Variants in PIP4K2A observed in about 807,000 individuals in gnomAD.
PIP4K2A encodes the protein phosphatidylinositol-5-phosphate 4-kinase type 2 alpha.
Under a neutral mutation model 42.9 loss-of-function variants are expected in PIP4K2A, and 14 were observed. The observed-to-expected ratio is 0.33, with a 90% CI of 0.22 to 0.51. The LOEUF is 0.51. Among genes scored for constraint, PIP4K2A ranks in the 20% least tolerant of loss-of-function variants. PIP4K2A has a pLI of 0.97. For missense variants in PIP4K2A, 434 were observed against 519.8 expected (o/e 0.83, Z 1.61); for synonymous variants, 192 against 192.2 (o/e 1.00, Z 0.01).
At chr10:22,620,837 T>C (rs931582294) in intron 1 of PIP4K2A, among the ~76,000 whole-genome samples, 2 of 152,210 alleles carry the variant, frequency 1.3e-5, no homozygotes, top group Non-Finnish European at 2.9e-5. Flanking sequence ...CAAATTCAAA[T>C]GAATCACAAA....
intron 7 of PIP4K2A, among the ~76,000 whole-genome samples, chr10:22,550,335 C>T (rs564130801): frequency 6.6e-6 from 1 of 152,370 alleles, no homozygotes; most frequent in East Asian, 1.9e-4. Flanking sequence ...CCTGGCCCCT[C>T]CCAAACTGGC....
At chr10:22,694,449 C>G (rs769718409) in intron 1 of PIP4K2A, 1 of 152,162 alleles carries the variant, frequency 6.6e-6, no homozygotes, top group Non-Finnish European at 1.5e-5. Flanking sequence ...TGGGGCGTGA[C>G]CCCAAAAATG....
At chr10:22,632,431 A>G (rs1403968197) in intron 1 of PIP4K2A, among the ~76,000 whole-genome samples, 1 of 152,232 alleles carries the variant, frequency 6.6e-6, no homozygotes, top group Non-Finnish European at 1.5e-5. Flanking sequence ...TTTTTAGTAT[A>G]GTATGTACAA....
Position 22,556,248 on chromosome 10 carries a change from C to T in PIP4K2A, c.679-5476G>A, listed in dbSNP as rs111925698. Among the ~76,000 whole-genome samples, 1,095 of 152,250 alleles carry T rather than the reference C, an allele frequency of 7.2e-3. 18 individuals carry two copies. The highest frequency in any genetic ancestry group is 0.025 in the African/African-American group (1,020 of 41,534). On this transcript the variant is annotated intron_variant, in intron 6 of 9. Coordinates refer to ENST00000376573, the MANE Select transcript of PIP4K2A (RefSeq NM_005028.5). ...AGGATGCATCGAAGGTGACATGGCC[C>T]GAGGCGCCAACCTCCCTGTCGTGGC...
intron 1 of PIP4K2A, 155 bp downstream of exon 1, chr10:22,714,028 G>T: frequency 1.4e-6 from 1 of 734,730 alleles, no homozygotes; most frequent in Non-Finnish European, 2.1e-6. Context: ...GGGGGCACGC[G>T]CCGCGGGGCT....
intron 4 of PIP4K2A, among the ~76,000 whole-genome samples, chr10:22,578,169 A>AT (rs1170893050): frequency 6.6e-6 from 1 of 152,176 alleles, no homozygotes; most frequent in Non-Finnish European, 1.5e-5. Context: ...CTGCTTGAAC[A>AT]TTTTTACAAT....
At chr10:22,565,652 T>C (rs1448642751) in intron 6 of PIP4K2A, among the ~76,000 whole-genome samples, 1 of 152,172 alleles carries the variant, frequency 6.6e-6, no homozygotes, top group East Asian at 1.9e-4. Flanking sequence ...AAGAACAGGA[T>C]AACAGCAATT....
intron 4 of PIP4K2A, among the ~76,000 whole-genome samples, chr10:22,591,256 G>T (rs1410598494): frequency 6.6e-6 from 1 of 152,216 alleles, no homozygotes; most frequent in Non-Finnish European, 1.5e-5. Flanking sequence ...AATAGGATTC[G>T]GAGGTGTAAA....
intron 3 of PIP4K2A, among the ~76,000 whole-genome samples, chr10:22,598,196 T>C (rs986960608): frequency 2.6e-5 from 4 of 152,090 alleles, no homozygotes; most frequent in African/African-American, 9.7e-5. Flanking sequence ...TGTGTCTACA[T>C]AGCATTAAAA....
intron 1 of PIP4K2A, among the ~76,000 whole-genome samples, chr10:22,640,941 A>AGAGAAATATTTGG (rs1838772464): frequency 1.3e-5 from 2 of 152,354 alleles, no homozygotes; most frequent in South Asian, 4.1e-4. Flanking sequence ...CTAAGAACTG[A>AGAGAAATATTTGG]GAGAAATATT....
At chr10:22,575,113 A>C (rs920489967) in intron 4 of PIP4K2A, among the ~76,000 whole-genome samples, 1 of 152,200 alleles carries the variant, frequency 6.6e-6, no homozygotes, top group Non-Finnish European at 1.5e-5. Flanking sequence ...TCCTACCTTG[A>C]AGGTTGTTTT....
chr10:22,599,989 A>G (rs1347064855), intron 3 of PIP4K2A, among the ~76,000 whole-genome samples: 3 of 150,164 alleles, frequency 2.0e-5, no homozygotes, highest in African/African-American at 5.1e-5. Context: ...TTATTTCCGC[A>G]GTCGGAGGTC....
intron 7 of PIP4K2A, 70 bp downstream of exon 7, chr10:22,550,589 A>G: frequency 1.2e-6 from 1 of 865,070 alleles, no homozygotes; most frequent in South Asian, 1.4e-5. Context: ...AGATGGTTTA[A>G]AAAGCTCCTA....
intron 1 of PIP4K2A, among the ~76,000 whole-genome samples, chr10:22,648,854 G>T (rs1006371436): frequency 6.6e-6 from 1 of 152,224 alleles, no homozygotes; most frequent in Non-Finnish European, 1.5e-5. Flanking sequence ...ACACATTCCT[G>T]AAACAGAAAG....
chr10:22,615,490 T>C lies in PIP4K2A; in HGVS notation c.145-5773A>G, dbSNP rs192343185. Among the ~76,000 whole-genome samples, 4 of 152,332 alleles carry C rather than the reference T, an allele frequency of 2.6e-5. No individual in the cohort carries two copies. In the East Asian group the frequency reaches 7.7e-4, roughly 29 times the overall value. On this transcript the variant is annotated intron_variant, in intron 1 of 9. Transcript: ENST00000376573. ...CTATCTATATGTTACATAATGTTCA[T>C]AAAGGAAACAGAAAGATTTGTGTTA...
At chr10:22,697,125 A>T in intron 1 of PIP4K2A, among the ~76,000 whole-genome samples, 2 of 147,780 alleles carry the variant, frequency 1.4e-5, no homozygotes. Flanking sequence ...TCTGGAGTTC[A>T]TTTCCTTCAG....
At chr10:22,688,492 G>T (rs910185175) in intron 1 of PIP4K2A, among the ~76,000 whole-genome samples, 1 of 152,080 alleles carries the variant, frequency 6.6e-6, no homozygotes, top group Admixed American at 6.6e-5. Context: ...TTCCTCTGTC[G>T]CCCAGGCTGG....
chr10:22,660,708 T>A (rs945468538), intron 1 of PIP4K2A, among the ~76,000 whole-genome samples: 2 of 152,110 alleles, frequency 1.3e-5, no homozygotes, highest in African/African-American at 4.8e-5. Context: ...ATATAGCCTT[T>A]CCTTACATTT....
chr10:22,567,631 C>T (rs1170091617), intron 6 of PIP4K2A: 2 of 718,016 alleles, frequency 2.8e-6, no homozygotes. Flanking sequence ...TCCAACCATG[C>T]TTGCAACAAA....
Sources: gnomAD v4.1 joint callset for allele counts (sites outside exome capture counted in the v4.1 genomes callset) on GRCh38, gnomAD v4.1.1 for gene constraint, MANE v1.5 for transcripts, NCBI Gene and HGNC (gene_info 2026-07-23, HGNC 2026-07-21) for gene names.